NGLY1: variants seen among roughly 807,000 people sequenced by gnomAD.
The protein encoded by NGLY1 is N-glycanase 1.
Under a neutral mutation model 84.6 loss-of-function variants are expected in NGLY1, and 68 were observed. The ratio of observed to expected loss-of-function variants is 0.80; its 90% CI spans 0.66 to 0.98. The LOEUF is 0.98. Ranked by LOEUF, NGLY1 falls within the 50% of genes least tolerant of loss-of-function variation. NGLY1 has a pLI of 0.00. For synonymous variants in NGLY1, 280 were observed against 275.2 expected, an observed-to-expected ratio of 1.02 and a Z score of -0.17; for missense variants, 779 against 770.2, an observed-to-expected ratio of 1.01 and a Z score of -0.14.
intron 3 of NGLY1, among the ~76,000 whole-genome samples, chr3:25,756,471 C>T (rs1351821093): frequency 6.6e-6 from 1 of 152,156 alleles, no homozygotes; most frequent in Non-Finnish European, 1.5e-5. Flanking sequence ...GTTGAGCTTT[C>T]TGTGCTTTTG....
intron 3 of NGLY1, among the ~76,000 whole-genome samples, chr3:25,761,767 G>A (rs1175217184): frequency 1.3e-5 from 2 of 152,134 alleles, no homozygotes; most frequent in Non-Finnish European, 2.9e-5. Flanking sequence ...AATGTTCACA[G>A]CAGCATTATT....
chr3:25,768,317 T>C (rs1707715461), intron 2 of NGLY1, among the ~76,000 whole-genome samples: 1 of 150,862 alleles, frequency 6.6e-6, no homozygotes, highest in African/African-American at 2.4e-5. Flanking sequence ...TCCCAGTTAC[T>C]CGGAAGACTG....
At chr3:25,733,466 C>CGTGTATGTGTGTGTGT (rs1491564606) in intron 8 of NGLY1, among the ~76,000 whole-genome samples, 51 of 134,208 alleles carry the variant, frequency 3.8e-4, no homozygotes, top group African/African-American at 1.4e-3. Flanking sequence ...CTCACATGGA[C>CGTGTATGTGTGTGTGT]GTGTGTGTGT....
chr3:25,787,196 G>A (rs537311133), upstream of NGLY1, among the ~76,000 whole-genome samples: 1 of 152,270 alleles, frequency 6.6e-6, no homozygotes, highest in South Asian at 2.1e-4. Context: ...TTTCAGTGAG[G>A]GGGGACAACT....
At position 25,736,025 on chromosome 3, in the gene NGLY1, G is replaced by A. The variant is rs1440389795; in HGVS notation, c.1128C>T (p.Val376=). 1 of 1,612,946 alleles carries A rather than the reference G, an allele frequency of 6.2e-7. No homozygotes were observed. The highest frequency in any genetic ancestry group is 8.5e-7 in the Non-Finnish European group (1 of 1,179,518). The change falls in exon 7 of 12, where the codon GTC becomes GTT. Residue 376 remains valine, a synonymous_variant. Transcript: ENST00000280700. ...CTACCTCATCTTTTGAAAATGCTATGACATAGGAAAGCTTCTTGCCCCATC... is the reference window on the plus strand; with the variant it reads ...CTACCTCATCTTTTGAAAATGCTATAACATAGGAAAGCTTCTTGCCCCATC... ...EIGWGKKLSY[V]IAFSKDEVVD...
intron 4 of NGLY1, 86 bp downstream of exon 4, chr3:25,751,012 C>A: frequency 7.4e-7 from 1 of 1,345,584 alleles, no homozygotes; most frequent in Non-Finnish European, 1.0e-6. Context: ...AACCCATGTT[C>A]TTCAAGGGTC....
chr3:25,741,508 A>G (rs888949293), intron 4 of NGLY1, among the ~76,000 whole-genome samples: 2 of 152,128 alleles, frequency 1.3e-5, no homozygotes, highest in Non-Finnish European at 2.9e-5. Context: ...AAATAATAGA[A>G]GTTTATAGGT....
chr3:25,787,512 T>C (rs1481255341), upstream of NGLY1, among the ~76,000 whole-genome samples: 1 of 152,234 alleles, frequency 6.6e-6, no homozygotes, highest in Non-Finnish European at 1.5e-5. Flanking sequence ...TGGCTCCCTC[T>C]ATCCACATTC....
rs541593614 is a variant in NGLY1, at chr3:25,746,612, C to T, written c.658+4486G>A. Among the ~76,000 whole-genome samples the T allele has an allele frequency of 3.9e-5, 6 of 152,284 alleles. No individual in the cohort carries two copies. The South Asian group carries it at 1.2e-3, about 32-fold the overall frequency. ...TAATAGACTTGAAGGATTCTTGGTC[C>T]ACTGATAAGACCATTCCCACTGTGA... On this transcript the variant is annotated intron_variant, in intron 4 of 11. Coordinates refer to ENST00000280700, the MANE Select transcript of NGLY1 (RefSeq NM_018297.4).
chr3:25,770,943 A>G (rs922880091), intron 2 of NGLY1, among the ~76,000 whole-genome samples: 1 of 152,120 alleles, frequency 6.6e-6, no homozygotes, highest in African/African-American at 2.4e-5. Flanking sequence ...GATTCTAGAT[A>G]TCAGTCCTTT....
At position 25,754,145 on chromosome 3, in the gene NGLY1, T is replaced by TA. The variant is rs148234372; in HGVS notation, c.493-2883dup. 9.2e-3 allele frequency among the ~76,000 whole-genome samples: 1,399 copies of TA among 152,332 alleles called. 23 individuals carry two copies. The highest frequency in any genetic ancestry group is 0.03 in the African/African-American group (1,264 of 41,568). ...GGATACAAAAACAAGCAAATACTGA[T>TA]AATGTTCATTTACTCAAATTTTATC... On this transcript the variant is annotated intron_variant, in intron 3 of 11. Transcript: ENST00000280700.
At chr3:25,787,196 G>C (rs537311133), upstream of NGLY1, among the ~76,000 whole-genome samples, 3 of 152,152 alleles carry the variant, frequency 2.0e-5, no homozygotes, top group Admixed American at 6.5e-5. Context: ...TTTCAGTGAG[G>C]GGGGACAACT....
chr3:25,788,691 A>G (rs1708655707), intron 1 of NGLY1, among the ~76,000 whole-genome samples: 1 of 152,250 alleles, frequency 6.6e-6, no homozygotes. Flanking sequence ...TAAAGACAGC[A>G]ATGAAAAGAG....
Position 25,719,867 on chromosome 3 carries a change from C to T in NGLY1, c.1789+147G>A. On this transcript the variant is annotated intron_variant, in intron 11 of 11. Transcript: ENST00000280700. ...CAGCCTTTCTGTTACAATGGGATCACACAGGGTTTATTAAATTTTTTTTTT... is the reference window on the plus strand; with the variant it reads ...CAGCCTTTCTGTTACAATGGGATCATACAGGGTTTATTAAATTTTTTTTTT... The T allele has an allele frequency of 5.5e-6, 4 of 726,406 alleles. No homozygotes were observed. In the South Asian group the frequency reaches 1.1e-4, roughly 20 times the overall value. The allele number at this position is 726,406 out of a possible 1,614,324, so 45.0% of individuals were successfully genotyped here.
intron 4 of NGLY1, among the ~76,000 whole-genome samples, chr3:25,746,128 T>A (rs1186994271): frequency 6.6e-6 from 1 of 152,188 alleles, no homozygotes; most frequent in Non-Finnish European, 1.5e-5. Flanking sequence ...GATCTTCCAC[T>A]GCTTTATATA....
At chr3:25,750,077 C>A (rs1313491089) in intron 4 of NGLY1, among the ~76,000 whole-genome samples, 1 of 152,144 alleles carries the variant, frequency 6.6e-6, no homozygotes, top group Non-Finnish European at 1.5e-5. Context: ...ACTCACAGTT[C>A]CACATGGCTG....
intron 3 of NGLY1, chr3:25,755,336 C>G (rs1706984193): frequency 7.5e-7 from 1 of 1,329,732 alleles, no homozygotes; most frequent in African/African-American, 1.4e-5. Context: ...GGGACCTAAC[C>G]AAGGGAGGCT....
At chr3:25,722,721 G>A (rs917351669) in intron 10 of NGLY1, among the ~76,000 whole-genome samples, 1 of 152,136 alleles carries the variant, frequency 6.6e-6, no homozygotes, top group African/African-American at 2.4e-5. Flanking sequence ...ATCCTCTGGT[G>A]TTCATATATG....
chr3:25,784,212 C>T (rs1214398623), upstream of NGLY1: 1 of 152,152 alleles, frequency 6.6e-6, no homozygotes, highest in Non-Finnish European at 1.5e-5. Flanking sequence ...AATCTAAGTT[C>T]CAGCTCAACT....
Sources: allele counts gnomAD v4.1 joint callset (sites outside exome capture counted in the v4.1 genomes callset), GRCh38; gene constraint gnomAD v4.1.1; transcripts MANE v1.5; gene names NCBI Gene and HGNC (gene_info 2026-07-23, HGNC 2026-07-21).